Variants in SCUBE2 observed in about 807,000 individuals in gnomAD.
SCUBE2 encodes the protein signal peptide, CUB domain and EGF like domain containing 2.
Under a neutral mutation model 125.9 loss-of-function variants are expected in SCUBE2, and 114 were observed. That is an observed-to-expected ratio of 0.91 (90% confidence interval 0.78 to 1.06). SCUBE2 has a LOEUF of 1.06. Ranked by LOEUF, SCUBE2 falls within the 50% of genes least tolerant of loss-of-function variation. SCUBE2 has a pLI of 0.00. For missense variants in SCUBE2, 1,255 were observed against 1,301.8 expected (o/e 0.96, Z 0.55); for synonymous variants, 459 against 492.9 (o/e 0.93, Z 0.91).
intron 2 of SCUBE2, 82 bp from the exon 3 acceptor site, chr11:9,079,591 C>G: frequency 7.1e-7 from 1 of 1,415,106 alleles, no homozygotes; most frequent in Non-Finnish European, 9.6e-7. Context: ...AGCCATTCCA[C>G]TTCTAGGAAT....
intron 16 of SCUBE2, among the ~76,000 whole-genome samples, chr11:9,045,047 ATTGG>A (rs1310647496): frequency 2.0e-5 from 3 of 151,792 alleles, no homozygotes; most frequent in Non-Finnish European, 2.9e-5. Flanking sequence ...TTCCTCGTTT[ATTGG>A]TTGGTTGTCT....
chr11:9,030,393 C>G, intron 18 of SCUBE2: 1 of 401,586 alleles, frequency 2.5e-6, no homozygotes, highest in South Asian at 3.1e-5. Context: ...GAGTTGGGCT[C>G]CCTGGGAAAA....
At chr11:9,025,962 A>C in intron 20 of SCUBE2, 108 bp from the exon 21 acceptor site, 2 of 1,207,384 alleles carry the variant, frequency 1.7e-6, no homozygotes, top group Non-Finnish European at 2.3e-6. Context: ...AGTTATGCTC[A>C]AAAGCTCTTC....
chr11:9,055,900 T>TC lies in SCUBE2; in HGVS notation c.1099dup (p.Glu367GlyfsTer6). 6.2e-7 allele frequency: 1 copy of TC among 1,613,966 alleles called. No homozygotes were observed. The highest frequency in any genetic ancestry group is 8.5e-7 in the Non-Finnish European group (1 of 1,179,800). On this transcript the variant is annotated frameshift_variant, in exon 10 of 23. Transcript: ENST00000649792. LOFTEE classifies it high-confidence loss of function. ...GTCACAGGTCCTATCCAAAGAGCAC[T>TC]CATCCACATCTGTAATGGTCAAAGG...
chr11:9,062,466 T>C (rs1223375585), intron 7 of SCUBE2, among the ~76,000 whole-genome samples: 1 of 152,230 alleles, frequency 6.6e-6, no homozygotes, highest in Non-Finnish European at 1.5e-5. Flanking sequence ...GAATATCCAA[T>C]TGGCTTTTTA....
At chr11:9,076,391 G>A (rs549709428) in intron 3 of SCUBE2, among the ~76,000 whole-genome samples, 1 of 152,096 alleles carries the variant, frequency 6.6e-6, no homozygotes, top group South Asian at 2.1e-4. Context: ...TACACTTACT[G>A]ACTTGCAGCC....
chr11:9,074,461 C>T lies in SCUBE2; in HGVS notation c.517+20G>A, dbSNP rs577085184. On this transcript the variant is annotated intron_variant, in intron 4 of 22. Coordinates refer to ENST00000649792, the MANE Select transcript of SCUBE2 (RefSeq NM_001367977.2). ...GTCTCAGATGTGGCTCTGCCCCCAT[C>T]CACAGCTGGGCAGAGGTACCTTCCG... is the stretch of plus-strand genomic sequence containing the variant. 2.5e-6 allele frequency: 4 copies of T among 1,613,632 alleles called. No individual in the cohort carries two copies. In the South Asian group the frequency reaches 4.4e-5, roughly 18 times the overall value.
intron 16 of SCUBE2, among the ~76,000 whole-genome samples, chr11:9,046,857 C>T (rs1309423028): frequency 2.0e-5 from 3 of 152,166 alleles, no homozygotes; most frequent in African/African-American, 7.2e-5. Flanking sequence ...GGGCCTAAGG[C>T]TGACAATTCT....
At chr11:9,065,360 T>C (rs1049622018) in intron 7 of SCUBE2, among the ~76,000 whole-genome samples, 1 of 152,144 alleles carries the variant, frequency 6.6e-6, no homozygotes, top group Admixed American at 6.5e-5. Context: ...AAGTGTTTGG[T>C]AGTTCCTCCT....
At chr11:9,075,277 A>G (rs1861131095) in intron 3 of SCUBE2, among the ~76,000 whole-genome samples, 1 of 151,808 alleles carries the variant, frequency 6.6e-6, no homozygotes, top group Admixed American at 6.6e-5. Flanking sequence ...TATACAAATG[A>G]TTCTGATATA....
chr11:9,050,536 C>T (rs1858243969), intron 14 of SCUBE2, 70 bp downstream of exon 14: 1 of 1,237,224 alleles, frequency 8.1e-7, no homozygotes, highest in Admixed American at 1.7e-5. Context: ...CATGGACCTC[C>T]AGCTCGGCTG....
intron 2 of SCUBE2, 142 bp from the exon 3 acceptor site, chr11:9,079,651 T>C (rs1212609433): frequency 1.2e-6 from 1 of 809,060 alleles, no homozygotes; most frequent in African/African-American, 1.7e-5. Context: ...CGCACAAGGT[T>C]ATTCACTGCA....
chr11:9,061,809 GAAAGCTAGATCCTAGCA>G (rs891568175), intron 7 of SCUBE2, among the ~76,000 whole-genome samples: 5 of 152,210 alleles, frequency 3.3e-5, no homozygotes, highest in Non-Finnish European at 7.3e-5. Flanking sequence ...TGGCGTAGAA[GAAAGCTAGATCCTAGCA>G]GTCTGCAGAG....
intron 19 of SCUBE2, 61 bp downstream of exon 19, chr11:9,029,823 G>C (rs1856134290): frequency 6.3e-7 from 1 of 1,594,596 alleles, no homozygotes; most frequent in Non-Finnish European, 8.6e-7. Flanking sequence ...CCTGCTCTGA[G>C]GTGGACCCAG....
rs1858568658 is a variant in SCUBE2 at position 9,052,932 on chromosome 11, A to G, written c.1448-100T>C. The G allele has an allele frequency of 3.7e-6, 4 of 1,079,530 alleles. No homozygotes were observed. In the African/African-American group the frequency reaches 6.3e-5, roughly 17 times the overall value. The allele number at this position is 1,079,530 out of a possible 1,614,324, so 66.9% of individuals were successfully genotyped here. ...CCCACCCCACTCCACATGGGCCACT[A>G]GAAAAATGCCCAGCATATGGGGTCT... On this transcript the variant is annotated intron_variant, in intron 12 of 22. Coordinates refer to ENST00000649792, the MANE Select transcript of SCUBE2 (RefSeq NM_001367977.2).
intron 21 of SCUBE2, chr11:9,022,579 A>G (rs1323022786): frequency 1.3e-5 from 2 of 152,444 alleles, no homozygotes; most frequent in African/African-American, 4.8e-5. Context: ...TTAAATCCCA[A>G]CGGCCAGTTC....
At chr11:9,077,853 G>C (rs1373071304) in intron 3 of SCUBE2, among the ~76,000 whole-genome samples, 1 of 152,240 alleles carries the variant, frequency 6.6e-6, no homozygotes, top group Non-Finnish European at 1.5e-5. Context: ...TATCGGCAAA[G>C]GCAAGAAAAG....
intron 16 of SCUBE2, among the ~76,000 whole-genome samples, chr11:9,034,330 A>G (rs1468246739): frequency 6.6e-6 from 1 of 152,200 alleles, no homozygotes; most frequent in Admixed American, 6.5e-5. Context: ...CATGCATTAA[A>G]TCAGGAGGAG....
chr11:9,059,215 T>C (rs1418909963), intron 9 of SCUBE2, 88 bp downstream of exon 9: 1 of 1,499,564 alleles, frequency 6.7e-7, no homozygotes, highest in Non-Finnish European at 9.0e-7. Flanking sequence ...AGAAGCCTGA[T>C]AAGCCAGTCT....
Sources: allele counts gnomAD v4.1 joint callset (sites outside exome capture counted in the v4.1 genomes callset), GRCh38; gene constraint gnomAD v4.1.1; transcripts MANE v1.5; gene names NCBI Gene and HGNC (gene_info 2026-07-23, HGNC 2026-07-21).